Variants in RPP40 observed in about 807,000 individuals in gnomAD.
RPP40 encodes the protein ribonuclease P/MRP subunit p40.
A neutral mutation model predicts 42.5 loss-of-function variants in RPP40; 30 were observed. That is an observed-to-expected ratio of 0.71 (90% CI 0.53 to 0.96). RPP40 has a LOEUF of 0.96. Among genes scored for constraint, RPP40 ranks in the 40% least tolerant of loss-of-function variants. The probability of loss-of-function intolerance (pLI) is 0.00; values close to 1 mark genes in which losing one functional copy is unlikely to be tolerated. For missense variants in RPP40, 426 were observed against 433.5 expected (o/e 0.98, Z 0.15); for synonymous variants, 173 against 164.0 (o/e 1.05, Z -0.42).
Position 4,998,836 on chromosome 6 carries a change from A to C in RPP40, c.439T>G (p.Ser147Ala), listed in dbSNP as rs759348787. Residue 147 changes from serine to alanine, a missense_variant, in exon 5 of 8, where the codon TCC (serine) becomes GCC (alanine). Coordinates refer to ENST00000380051, the MANE Select transcript of RPP40 (RefSeq NM_006638.4). ...AAGGATAATTCCATCAAATCAATGG[A>C]AACAACTTTAAAAATGAAAAAAAGA... ...SGRKIMKFIV[S>A]IDLMELSLNL... 2.8e-6 allele frequency: 4 copies of C among 1,409,770 alleles called. 1 individual carries two copies. The South Asian group carries it at 4.0e-5, about 14-fold the overall frequency. 87.3% of individuals were successfully genotyped at this position (1,409,770 alleles called of 1,614,324 possible). A position where few individuals can be genotyped will look rare whatever the true frequency, so the allele number is the denominator to read the frequency against.
At chr6:4,996,615 G>A (rs1440656290) in intron 5 of RPP40, among the ~76,000 whole-genome samples, 195 bp from the exon 6 acceptor site, 3 of 152,110 alleles carry the variant, frequency 2.0e-5, no homozygotes, top group Admixed American at 6.6e-5. Flanking sequence ...AACGTTCATC[G>A]TTTTTCACAC....
At chr6:4,992,518 A>C (rs1397810332), downstream of RPP40, among the ~76,000 whole-genome samples, 3 of 152,246 alleles carry the variant, frequency 2.0e-5, no homozygotes, top group Non-Finnish European at 2.9e-5. Flanking sequence ...TTTGATTAAT[A>C]TAGCCACTTC....
At chr6:4,992,277 G>A (rs1212774515), downstream of RPP40, among the ~76,000 whole-genome samples, 2 of 151,898 alleles carry the variant, frequency 1.3e-5, no homozygotes, top group African/African-American at 2.4e-5. Flanking sequence ...GCTGAGGCAG[G>A]AGAATCATTT....
rs772331161 is a variant in RPP40, at chr6:5,003,899, G to A, written c.104C>T (p.Thr35Met). Reference protein sequence around the residue: ...HKSRHRHLVQTHYYNYRVSFL... With the variant: ...HKSRHRHLVQMHYYNYRVSFL... ...ACTCACCCTGTAGTTATAGTAGTGC[G>A]TCTGCACAAGATGCCGGTGGCGCGA... The change falls in exon 1 of 8, where the codon ACG (threonine) becomes ATG (methionine). Residue 35 changes from threonine (T) to methionine (M), a missense_variant. By Grantham distance (81) the Thr-to-Met change is moderately conservative. Transcript: ENST00000380051. 1 of 1,613,646 alleles carries A rather than the reference G, an allele frequency of 6.2e-7. No homozygotes were observed. Among genetic ancestry groups the A allele is most frequent in the Non-Finnish European group, 8.5e-7 (1 of 1,179,672 alleles).
chr6:5,003,715 G>T, intron 1 of RPP40, 165 bp downstream of exon 1: 2 of 856,082 alleles, frequency 2.3e-6, no homozygotes, highest in Non-Finnish European at 3.4e-6. Context: ...CAAGCCACTG[G>T]CTTAGAGCAG....
At chr6:4,995,351 G>T in intron 7 of RPP40, 75 bp from the exon 8 acceptor site, 1 of 1,014,778 alleles carries the variant, frequency 9.9e-7, no homozygotes, top group Middle Eastern at 2.1e-4. Context: ...AATTTATTCA[G>T]GATAAGTAGT....
chr6:4,996,851 C>T (rs901820452), intron 5 of RPP40, among the ~76,000 whole-genome samples: 7 of 152,150 alleles, frequency 4.6e-5, no homozygotes, highest in African/African-American at 1.7e-4. Context: ...TTTGAAAACC[C>T]AATAAAATCC....
chr6:4,999,893 A>T lies in RPP40; in HGVS notation c.349T>A (p.Leu117Met), dbSNP rs1759499776. The change falls in exon 4 of 8, where the codon TTG becomes ATG. Residue 117 changes from leucine to methionine, a missense_variant. Coordinates refer to ENST00000380051, the MANE Select transcript of RPP40 (RefSeq NM_006638.4). Reference protein sequence around the residue: ...VALLPNGKLILSLDKDTYEET... With the variant: ...VALLPNGKLIMSLDKDTYEET... The stretch of plus-strand genomic sequence containing the variant: ...TCATAAGTGTCTTTATCCAGTGACA[A>T]AATTAATTTCCCTATAAATCAAATA... 1 of 1,594,592 alleles carries T rather than the reference A, an allele frequency of 6.3e-7. No individual in the cohort carries two copies. The highest frequency in any genetic ancestry group is 8.6e-7 in the Non-Finnish European group (1 of 1,163,564).
At chr6:5,003,167 T>C (rs1055956739) in intron 1 of RPP40, among the ~76,000 whole-genome samples, 3 of 151,390 alleles carry the variant, frequency 2.0e-5, no homozygotes, top group African/African-American at 7.3e-5. Context: ...GCTAACACGG[T>C]GAAACCTCGT....
downstream of RPP40, among the ~76,000 whole-genome samples, chr6:4,991,641 A>C (rs1276257859): frequency 6.6e-6 from 1 of 152,168 alleles, no homozygotes; most frequent in Non-Finnish European, 1.5e-5. Flanking sequence ...TAGTGGGTTG[A>C]TCTATGTCTC....
chr6:4,996,913 A>G, intron 5 of RPP40, among the ~76,000 whole-genome samples: 1 of 152,184 alleles, frequency 6.6e-6, no homozygotes, highest in East Asian at 1.9e-4. Flanking sequence ...GAAGACAGAG[A>G]TAGTACTCCC....
At chr6:5,001,126 G>C in intron 2 of RPP40, 1 of 456,742 alleles carries the variant, frequency 2.2e-6, no homozygotes, top group South Asian at 1.5e-5. Flanking sequence ...GTCCAAAGTA[G>C]AATTCTAGAT....
intron 7 of RPP40, 74 bp downstream of exon 7, chr6:4,995,877 G>GA: frequency 1.4e-6 from 2 of 1,458,284 alleles, no homozygotes; most frequent in Non-Finnish European, 1.9e-6. Context: ...CTCCCAAAAT[G>GA]AAAAAATCTA....
chr6:4,994,788 G>C lies in RPP40; in HGVS notation c.*290C>G, dbSNP rs1759317686. On this transcript the variant is annotated 3_prime_UTR_variant, in exon 8 of 8. Coordinates refer to ENST00000380051, the MANE Select transcript of RPP40 (RefSeq NM_006638.4). ...AAATATATCTCAACCAATGGAGTGAGATGGGGACCAATATCCCCGGTCCCT... is the reference window on the plus strand; with the variant it reads ...AAATATATCTCAACCAATGGAGTGACATGGGGACCAATATCCCCGGTCCCT... The C allele has an allele frequency of 2.8e-5, 10 of 357,978 alleles. No homozygotes were observed. The highest frequency in any genetic ancestry group is 7.5e-4 in the Middle Eastern group (1 of 1,328). The allele number at this position is 357,978 out of a possible 1,614,324, so 22.2% of individuals were successfully genotyped here.
rs746540990 is a variant in RPP40 at position 4,996,104 on chromosome 6, A to AAG, written c.759-21_759-20dup. 4.3e-5 allele frequency: 69 copies of AAG among 1,613,112 alleles called. No homozygotes were observed. Among genetic ancestry groups the AAG allele is most frequent in the Non-Finnish European group, 5.8e-5 (68 of 1,179,538 alleles). ...ATTATTTCTGTCACCAAAAAAATAA[A>AAG]AGAGAGAGAGATAACACATGTATAT... On this transcript the variant is annotated intron_variant, in intron 6 of 7. Coordinates refer to ENST00000380051, the MANE Select transcript of RPP40 (RefSeq NM_006638.4).
downstream of RPP40, among the ~76,000 whole-genome samples, chr6:4,993,911 C>A (rs1759297143): frequency 6.6e-6 from 1 of 152,010 alleles, no homozygotes; most frequent in Non-Finnish European, 1.5e-5. Flanking sequence ...GTTTTCCTCC[C>A]TTGGGCAGGC....
chr6:4,996,796 AAAG>A (rs1219164163), intron 5 of RPP40, among the ~76,000 whole-genome samples: 1 of 152,236 alleles, frequency 6.6e-6, no homozygotes, highest in Non-Finnish European at 1.5e-5. Flanking sequence ...TATTAAAGAA[AAAG>A]AAGAGAAACT....
downstream of RPP40, among the ~76,000 whole-genome samples, chr6:4,990,008 C>T (rs1759241644): frequency 6.6e-6 from 1 of 152,170 alleles, no homozygotes; most frequent in African/African-American, 2.4e-5. Flanking sequence ...TGATTTGTTC[C>T]TGACGTTGGG....
Position 4,996,317 on chromosome 6 carries a change from C to T in RPP40, c.663G>A (p.Val221=), listed in dbSNP as rs757048631. 1 of 1,614,200 alleles carries T rather than the reference C, an allele frequency of 6.2e-7. No individual in the cohort carries two copies. The highest frequency in any genetic ancestry group is 1.1e-5 in the South Asian group (1 of 91,090). ...LSTLRDLQCP[V]LQSSELEGTP... ...TTCCCTCCAGCTCGCTGCTCTGCAG[C>T]ACTGGGCACTGGAGATCTCTCAACG... Residue 221 remains valine, a synonymous_variant, in exon 6 of 8, where the codon GTG becomes GTA. Transcript: ENST00000380051.
Sources: allele counts gnomAD v4.1 joint callset (sites outside exome capture counted in the v4.1 genomes callset), GRCh38; gene constraint gnomAD v4.1.1; transcripts MANE v1.5; gene names NCBI Gene and HGNC (gene_info 2026-07-23, HGNC 2026-07-21).